The following RASD2 variants were observed in gnomAD, a reference collection of about 807,000 sequenced individuals.
The protein encoded by RASD2 is RASD family member 2, also known as GTP-binding protein Rhes.
Under a neutral mutation model 15.8 loss-of-function variants are expected in RASD2, and 7 were observed. The ratio of observed to expected loss-of-function variants is 0.44; its 90% CI spans 0.25 to 0.83. The LOEUF (loss-of-function observed/expected upper bound fraction) is 0.83. RASD2 is among the 40% of genes least tolerant of loss of function. The probability of loss-of-function intolerance (pLI) is 0.20; values close to 1 mark genes in which losing one functional copy is unlikely to be tolerated. For synonymous variants in RASD2, 155 were observed against 153.6 expected (o/e 1.01, Z -0.07); for missense variants, 274 against 382.8 (o/e 0.72, Z 2.37).
In RASD2 at chr22:35,551,697, G is replaced by C. The variant is rs754983523; in HGVS notation, c.466G>C (p.Ala156Pro). 1.0e-4 allele frequency: 166 copies of C among 1,613,732 alleles called. No individual in the cohort carries two copies. Among genetic ancestry groups the C allele is most frequent in the Non-Finnish European group, 1.4e-4 (162 of 1,179,798 alleles). Residue 156 changes from alanine (A) to proline (P), a missense_variant, in exon 3 of 3, where the codon GCC becomes CCC. Coordinates refer to ENST00000216127, the MANE Select transcript of RASD2 (RefSeq NM_014310.4). The surrounding 1 kb of genome is among the most constrained non-coding windows in gnomAD (Gnocchi z 4.9). Reference protein sequence around the residue: ...ELCRQVPTTEAELLVSGDENC... With the variant: ...ELCRQVPTTEPELLVSGDENC... ...GTGCCGCCAGGTGCCCACCACCGAG[G>C]CCGAGCTGCTGGTGTCGGGCGACGA...
Position 35,541,081 on chromosome 22 carries a change from C to T in RASD2, c.-429C>T, listed in dbSNP as rs1934333459. The T allele has an allele frequency of 6.6e-6, 1 of 152,332 alleles. No individual in the cohort carries two copies. Among genetic ancestry groups the T allele is most frequent in the Non-Finnish European group, 1.5e-5 (1 of 68,168 alleles). The allele number at this position is 152,332 out of a possible 1,614,324, so 9.4% of individuals were successfully genotyped here. A position where few individuals can be genotyped will look rare whatever the true frequency, so the allele number is the denominator to read the frequency against. Reference sequence around the variant, plus strand: ...TCCAAAGGACCCCCCCTCCCCAAGTCTCTAGGAGCTGCTCCTTCATCACTG... The same window carrying T: ...TCCAAAGGACCCCCCCTCCCCAAGTTTCTAGGAGCTGCTCCTTCATCACTG... On this transcript the variant is annotated 5_prime_UTR_variant, in exon 1 of 3. Coordinates refer to ENST00000216127, the MANE Select transcript of RASD2 (RefSeq NM_014310.4).
At chr22:35,536,528 C>T (rs1467038378), upstream of RASD2, among the ~76,000 whole-genome samples, 8 of 152,052 alleles carry the variant, frequency 5.3e-5, no homozygotes, top group South Asian at 2.1e-4. Context: ...GGTTTCACCC[C>T]GTTAGCCAGG....
chr22:35,548,623 C>T (rs947611522), intron 2 of RASD2, among the ~76,000 whole-genome samples: 10 of 152,332 alleles, frequency 6.6e-5, no homozygotes, highest in East Asian at 1.9e-4. Context: ...ACTGAGGCTG[C>T]GGGGTGGCCC....
the RASD2 span, among the ~76,000 whole-genome samples, chr22:35,535,540 G>A: frequency 6.6e-6 from 1 of 152,142 alleles, no homozygotes; most frequent in Non-Finnish European, 1.5e-5. Context: ...GAATCCAAAA[G>A]CAAAAGATTT....
In RASD2 at chr22:35,551,486, G is replaced by A. The variant is rs1045758977; in HGVS notation, c.272-17G>A. ...CAGCTGGCCGGTGAACTCACTACCT[G>A]GGCTCTCTCCCTGCAGGGGATGTCT... On this transcript the variant is annotated splice_polypyrimidine_tract_variant and intron_variant, in intron 2 of 2. Transcript: ENST00000216127. This position sits in a 1 kb window ranked among gnomAD's most constrained non-coding sequence, Gnocchi z 4.9. The A allele has an allele frequency of 3.8e-6, 6 of 1,599,582 alleles. No homozygotes were observed. In the African/African-American group the frequency reaches 5.4e-5, roughly 14 times the overall value.
chr22:35,541,086 G>C lies in RASD2; in HGVS notation c.-424G>C, dbSNP rs959616606. 8 of 152,260 alleles carry C rather than the reference G, an allele frequency of 5.3e-5. No homozygotes were observed. The highest frequency in any genetic ancestry group is 2.0e-4 in the Admixed American group (3 of 15,280). 9.4% of individuals were successfully genotyped at this position (152,260 alleles called of 1,614,324 possible). On this transcript the variant is annotated 5_prime_UTR_variant, in exon 1 of 3. Coordinates refer to ENST00000216127, the MANE Select transcript of RASD2 (RefSeq NM_014310.4). ...AGGACCCCCCCTCCCCAAGTCTCTA[G>C]GAGCTGCTCCTTCATCACTGGAGTC...
At chr22:35,545,212 T>A (rs983208895) in intron 1 of RASD2, among the ~76,000 whole-genome samples, 2 of 152,164 alleles carry the variant, frequency 1.3e-5, no homozygotes, top group South Asian at 2.1e-4. Context: ...GGTGAGCAGA[T>A]CCAGATGTGT....
chr22:35,533,266 G>C, the RASD2 span, among the ~76,000 whole-genome samples: 1 of 152,178 alleles, frequency 6.6e-6, no homozygotes, highest in Non-Finnish European at 1.5e-5. Flanking sequence ...TGTTTCCCAG[G>C]GCTGTTGGAA....
chr22:35,542,065 A>G (rs542066057), intron 1 of RASD2, among the ~76,000 whole-genome samples: 243 of 152,284 alleles, frequency 1.6e-3, no homozygotes, highest in African/African-American at 5.4e-3. Context: ...CCCGGAAGGC[A>G]GCTCTGGAGG....
the RASD2 span, among the ~76,000 whole-genome samples, chr22:35,534,348 G>A: frequency 1.1e-3 from 165 of 152,356 alleles, no homozygotes; most frequent in African/African-American, 3.9e-3. Flanking sequence ...GTTGCTATCA[G>A]TCAGACTTAG....
Position 35,546,134 on chromosome 22 carries a change from G to A in RASD2, c.-9-667G>A, listed in dbSNP as rs112845919. On this transcript the variant is annotated intron_variant, in intron 1 of 2. Coordinates refer to ENST00000216127, the MANE Select transcript of RASD2 (RefSeq NM_014310.4). The stretch of plus-strand genomic sequence containing the variant: ...AAAATATCCGGGCAGGTCATGGAGC[G>A]GAGGGAGCCCGCCAGATGCAGAGCA... Among the ~76,000 whole-genome samples, 11 of 152,250 alleles carry A rather than the reference G, an allele frequency of 7.2e-5. No homozygotes were observed. In the East Asian group the frequency reaches 1.5e-3, roughly 21 times the overall value.
intron 2 of RASD2, among the ~76,000 whole-genome samples, chr22:35,547,550 A>AGTGATG (rs1157666073): frequency 2.6e-5 from 4 of 152,224 alleles, no homozygotes; most frequent in African/African-American, 2.4e-5. Context: ...TCATGGTCAT[A>AGTGATG]GTGATGGTGA....
Position 35,545,507 on chromosome 22 carries a change from C to T in RASD2, c.-9-1294C>T, listed in dbSNP as rs575627130. Among the ~76,000 whole-genome samples the T allele has an allele frequency of 3.7e-4, 56 of 152,320 alleles. No individual in the cohort carries two copies. The South Asian group carries it at 8.5e-3, about 23-fold the overall frequency. ...GCCCCCACTTGCCCACCCAGCCATG[C>T]GCCTTGTGCAGTATCCAACCTGCAC... On this transcript the variant is annotated intron_variant, in intron 1 of 2. Transcript: ENST00000216127.
chr22:35,551,767 T>C lies in RASD2; in HGVS notation c.536T>C (p.Val179Ala). Residue 179 changes from valine to alanine, a missense_variant, in exon 3 of 3, where the codon GTG (valine) becomes GCG (alanine). Physicochemically the swap from Val to Ala is moderately conservative, Grantham distance 64. Transcript: ENST00000216127. This position sits in a 1 kb window ranked among gnomAD's most constrained non-coding sequence, Gnocchi z 4.9. Reference protein sequence around the residue: ...FEVSAKKNTNVDEMFYVLFSM... With the variant: ...FEVSAKKNTNADEMFYVLFSM... ...GTGTCGGCCAAGAAGAACACCAACG[T>C]GGACGAGATGTTCTACGTGCTCTTC... 1 of 1,613,684 alleles carries C rather than the reference T, an allele frequency of 6.2e-7. No homozygotes were observed. The highest frequency in any genetic ancestry group is 8.5e-7 in the Non-Finnish European group (1 of 1,179,932).
At chr22:35,538,647 G>A (rs1044250572), upstream of RASD2, among the ~76,000 whole-genome samples, 2 of 152,192 alleles carry the variant, frequency 1.3e-5, no homozygotes, top group Admixed American at 6.5e-5. Context: ...TCCACATGCA[G>A]CTCCCCTCGC....
At chr22:35,536,477 C>T (rs958556731), upstream of RASD2, among the ~76,000 whole-genome samples, 1 of 152,164 alleles carries the variant, frequency 6.6e-6, no homozygotes, top group Non-Finnish European at 1.5e-5. Flanking sequence ...AGGCGCCTGC[C>T]ATTATGCCCA....
Position 35,551,855 on chromosome 22 carries a change from C to T in RASD2, c.624C>T (p.Tyr208=), listed in dbSNP as rs149569721. Residue 208 remains tyrosine, a synonymous_variant, in exon 3 of 3, where the codon TAC becomes TAT. Transcript: ENST00000216127. This position sits in a 1 kb window ranked among gnomAD's most constrained non-coding sequence, Gnocchi z 4.9. ...TGCATCGCAAGATCTCCGTGCAGTA[C>T]GGTGACGCCTTCCACCCCAGGCCCT... ...PALHRKISVQ[Y]GDAFHPRPFC... is the part of the protein sequence containing the mutation. 1.7e-4 allele frequency: 268 copies of T among 1,614,054 alleles called. No individual in the cohort carries two copies. Among genetic ancestry groups the T allele is most frequent in the South Asian group, 4.6e-4 (42 of 91,074 alleles).
the RASD2 span, among the ~76,000 whole-genome samples, chr22:35,534,438 C>T: frequency 6.6e-6 from 1 of 152,204 alleles, no homozygotes; most frequent in South Asian, 2.1e-4. Flanking sequence ...AATGCTTCTC[C>T]ACGTAGGGTT....
chr22:35,535,316 A>C, the RASD2 span, among the ~76,000 whole-genome samples: 1 of 151,576 alleles, frequency 6.6e-6, no homozygotes, highest in Admixed American at 6.6e-5. Context: ...AGGTGGGAGG[A>C]TCGCTTGAGC....
Sources: gnomAD v4.1 joint callset for allele counts (sites outside exome capture counted in the v4.1 genomes callset) on GRCh38, gnomAD v4.1.1 for gene constraint, Gnocchi (gnomAD v3.1) non-coding constraint, MANE v1.5 for transcripts, NCBI Gene and HGNC (gene_info 2026-07-23, HGNC 2026-07-21) for gene names.